SLC35H1: variants seen among roughly 807,000 people sequenced by gnomAD.
SLC35H1 encodes the protein solute carrier family 35 member H1.
At chr20:46,354,790 A>AT in the SLC35H1 span, 1 of 1,188,042 alleles carries the variant, frequency 8.4e-7, no homozygotes, top group Non-Finnish European at 1.2e-6. Context: ...TTTGATCTCA[A>AT]TAATCTCTGC....
At chr20:46,358,294 G>T in the SLC35H1 span, 2 of 1,188,456 alleles carry the variant, frequency 1.7e-6, no homozygotes, top group Non-Finnish European at 2.5e-6. Flanking sequence ...ACTGGTTGAA[G>T]CTTGTGCCTT....
the SLC35H1 span, chr20:46,355,277 G>C: frequency 1.3e-6 from 2 of 1,577,618 alleles, no homozygotes; most frequent in East Asian, 2.3e-5. The surrounding 1 kb of genome is among the most constrained non-coding windows in gnomAD (Gnocchi z 4.8). Context: ...CTAACTCGGG[G>C]GTCTTGAGGG....
chr20:46,355,832 G>GTCTTC, the SLC35H1 span: 1 of 1,614,080 alleles, frequency 6.2e-7, no homozygotes, highest in Non-Finnish European at 8.5e-7. The surrounding 1 kb of genome is among the most constrained non-coding windows in gnomAD (Gnocchi z 4.8). Context: ...TCAGAGAGAA[G>GTCTTC]ATCAAGATGA....
the SLC35H1 span, among the ~76,000 whole-genome samples, chr20:46,357,426 G>A: frequency 1.3e-5 from 2 of 152,226 alleles, no homozygotes; most frequent in Admixed American, 6.5e-5. Flanking sequence ...GGTGTGTGGT[G>A]GGGCAGTGGG....
chr20:46,351,957 C>G, the SLC35H1 span: 1 of 1,340,736 alleles, frequency 7.5e-7, no homozygotes, highest in Non-Finnish European at 1.0e-6. Flanking sequence ...TCTGCAGGGC[C>G]CTGGGGTGCA....
chr20:46,348,841 G>A, the SLC35H1 span: 1 of 152,254 alleles, frequency 6.6e-6, no homozygotes, highest in African/African-American at 2.4e-5. Context: ...CCCTGGGTCT[G>A]TGTCATCTAT....
chr20:46,353,608 G>A, the SLC35H1 span, among the ~76,000 whole-genome samples: 1 of 152,214 alleles, frequency 6.6e-6, no homozygotes, highest in Non-Finnish European at 1.5e-5. Flanking sequence ...CAGCAGAACT[G>A]CAAAGGCGTC....
At chr20:46,350,452 T>C in the SLC35H1 span, 4 of 1,611,458 alleles carry the variant, frequency 2.5e-6, no homozygotes, top group Non-Finnish European at 3.4e-6. Flanking sequence ...TTCCTCCCGC[T>C]GGCTGCTCCG....
the SLC35H1 span, chr20:46,346,383 G>GC: frequency 6.6e-6 from 1 of 152,270 alleles, no homozygotes; most frequent in Non-Finnish European, 1.5e-5. Flanking sequence ...GCAGGAATGG[G>GC]CGGTGGTGGG....
the SLC35H1 span, among the ~76,000 whole-genome samples, chr20:46,360,769 T>C: frequency 9.2e-5 from 14 of 152,302 alleles, no homozygotes; most frequent in African/African-American, 3.4e-4. Context: ...AGGCTGGTCT[T>C]GAACTCCCAA....
chr20:46,361,826 T>G, the SLC35H1 span, among the ~76,000 whole-genome samples: 5 of 152,222 alleles, frequency 3.3e-5, no homozygotes, highest in African/African-American at 1.2e-4. Context: ...AGAGCTTTCT[T>G]CTGAGCACTC....
the SLC35H1 span, chr20:46,355,139 C>G: frequency 6.2e-7 from 1 of 1,614,132 alleles, no homozygotes; most frequent in Non-Finnish European, 8.5e-7. This position sits in a 1 kb window ranked among gnomAD's most constrained non-coding sequence, Gnocchi z 4.8. Context: ...AACGAGGCCC[C>G]CAGCACCAAG....
the SLC35H1 span, chr20:46,347,274 C>CT: frequency 6.6e-6 from 1 of 152,236 alleles, no homozygotes; most frequent in African/African-American, 2.4e-5. Context: ...TGCTTAACCA[C>CT]TTGGAACTTA....
chr20:46,363,840 CT>C, the SLC35H1 span, among the ~76,000 whole-genome samples: 6 of 152,258 alleles, frequency 3.9e-5, no homozygotes, highest in Non-Finnish European at 8.8e-5. Flanking sequence ...CCTCATTCTT[CT>C]GCCACTGGTC....
At chr20:46,362,766 CTCTAT>C in the SLC35H1 span, among the ~76,000 whole-genome samples, 12 of 152,282 alleles carry the variant, frequency 7.9e-5, no homozygotes, top group African/African-American at 2.9e-4. Flanking sequence ...AAGGCTTAGT[CTCTAT>C]TCTTTTTGTT....
chr20:46,354,228 C>A, the SLC35H1 span, among the ~76,000 whole-genome samples: 2 of 152,176 alleles, frequency 1.3e-5, no homozygotes, highest in African/African-American at 4.8e-5. Context: ...TCTGCTGATC[C>A]TGCGTGGCCC....
At chr20:46,347,920 C>G in the SLC35H1 span, 1 of 152,268 alleles carries the variant, frequency 6.6e-6, no homozygotes, top group African/African-American at 2.4e-5. Flanking sequence ...ACTTGAAACT[C>G]GAACCTGCAG....
At chr20:46,360,045 C>A in the SLC35H1 span, among the ~76,000 whole-genome samples, 1 of 152,134 alleles carries the variant, frequency 6.6e-6, no homozygotes, top group Non-Finnish European at 1.5e-5. Context: ...ATGCTCCTGG[C>A]GTTCAGTAAG....
At chr20:46,358,732 T>C in the SLC35H1 span, 37 of 1,549,422 alleles carry the variant, frequency 2.4e-5, no homozygotes, top group Middle Eastern at 1.7e-4. Flanking sequence ...CCATGGTTAA[T>C]TGGATGCAGC....
Sources: allele counts gnomAD v4.1 joint callset (sites outside exome capture counted in the v4.1 genomes callset), GRCh38; gene constraint gnomAD v4.1.1; non-coding constraint Gnocchi (gnomAD v3.1); transcripts MANE v1.5; gene names NCBI Gene and HGNC (gene_info 2026-07-23, HGNC 2026-07-21).